Variants in LNX2 observed in about 807,000 individuals in gnomAD.
The protein encoded by LNX2 is ligand of numb-protein X 2, also known as ligand of Numb protein X 2.
LNX2 carries 35 observed loss-of-function variants against 66.2 expected under a neutral mutation model. The ratio of observed to expected loss-of-function variants is 0.53; its 90% CI spans 0.40 to 0.70. The LOEUF is 0.70. LNX2 is among the 30% of genes least tolerant of loss of function. The pLI is 0.00. For missense variants in LNX2, 791 were observed against 850.8 expected, an observed-to-expected ratio of 0.93 and a Z score of 0.87; for synonymous variants, 337 against 315.6, an observed-to-expected ratio of 1.07 and a Z score of -0.72.
intron 5 of LNX2, among the ~76,000 whole-genome samples, chr13:27,561,813 A>C (rs1359661809): frequency 6.6e-6 from 1 of 152,208 alleles, no homozygotes; most frequent in African/African-American, 2.4e-5. Flanking sequence ...GAATGTATAG[A>C]TCTCCTCTGG....
intron 4 of LNX2, among the ~76,000 whole-genome samples, chr13:27,565,514 A>G (rs2138350809): frequency 6.6e-6 from 1 of 152,274 alleles, no homozygotes; most frequent in Non-Finnish European, 1.5e-5. Context: ...CTGCAAAATC[A>G]AGTCAGGAGC....
In LNX2 at chr13:27,567,660, C is replaced by A. The variant is rs747783901; in HGVS notation, c.835G>T (p.Ala279Ser). Residue 279 changes from alanine (A) to serine (S), a missense_variant, in exon 4 of 10, where the codon GCT becomes TCT. Transcript: ENST00000316334. ...GATACCTGAAGAATCTGGTCTCCAG[C>A]AAGAAGTCTCCCGTCTCTGGCAATG... Reference protein sequence around the residue: ...GVIARDGRLLAGDQILQVNNY... With the variant: ...GVIARDGRLLSGDQILQVNNY... 1 of 1,613,980 alleles carries A rather than the reference C, an allele frequency of 6.2e-7. No individual in the cohort carries two copies. The highest frequency in any genetic ancestry group is 1.3e-5 in the African/African-American group (1 of 75,034).
intron 1 of LNX2, among the ~76,000 whole-genome samples, chr13:27,616,130 T>C (rs1955822689): frequency 8.2e-6 from 1 of 121,556 alleles, no homozygotes; most frequent in Non-Finnish European, 1.6e-5. Context: ...AAGAAATACA[T>C]TGGTTTGGTC....
chr13:27,558,480 A>G (rs1374958453), intron 6 of LNX2, among the ~76,000 whole-genome samples: 2 of 152,056 alleles, frequency 1.3e-5, no homozygotes, highest in Non-Finnish European at 2.9e-5. Context: ...GGAATTATTA[A>G]TTACAGTTTT....
intron 1 of LNX2, among the ~76,000 whole-genome samples, chr13:27,583,845 T>C (rs998219734): frequency 6.6e-6 from 1 of 151,894 alleles, no homozygotes; most frequent in African/African-American, 2.4e-5. Context: ...ATGCACAGGG[T>C]GTTACGTGAC....
intron 4 of LNX2, 62 bp from the exon 5 acceptor site, chr13:27,562,843 G>GT: frequency 6.5e-7 from 1 of 1,527,296 alleles, no homozygotes; most frequent in Non-Finnish European, 8.8e-7. Context: ...TTGTAGGAAT[G>GT]TTTATGTGAC....
At position 27,560,565 on chromosome 13, in the gene LNX2, G is replaced by GTGTGTATGTGTATATATATATATATA. The variant is rs35007288; in HGVS notation, c.1225-581_1225-580insTATATATATATATATACACATACACA. Among the ~76,000 whole-genome samples, 1,020 of 119,954 alleles carry GTGTGTATGTGTATATATATATATATA rather than the reference G, an allele frequency of 8.5e-3. 8 individuals carry two copies. The highest frequency in any genetic ancestry group is 0.011 in the Non-Finnish European group (653 of 57,390). 78.7% of individuals were successfully genotyped at this position (119,954 alleles called of 152,430 possible). A position where few individuals can be genotyped will look rare whatever the true frequency, so the allele number is the denominator to read the frequency against. On this transcript the variant is annotated intron_variant, in intron 5 of 9. Coordinates refer to ENST00000316334, the MANE Select transcript of LNX2 (RefSeq NM_153371.4). The stretch of plus-strand genomic sequence containing the variant: ...ATAACAAGACTTTATATGTATGTGT[G>GTGTGTATGTGTATATATATATATATA]TATATATATATATATATATAGCATA...
chr13:27,588,195 A>G (rs1174854502), intron 1 of LNX2, among the ~76,000 whole-genome samples: 2 of 152,222 alleles, frequency 1.3e-5, no homozygotes, highest in African/African-American at 4.8e-5. Context: ...GAAAACTTAC[A>G]TTCACACAAA....
rs1593234441 is a variant in LNX2, at chr13:27,547,015, G to C, written c.*1320C>G. ...AACAGAACTTTTCTGTCTCCTACTT[G>C]AAACAACTAATCTCATAAGAAATAA... On this transcript the variant is annotated 3_prime_UTR_variant, in exon 10 of 10. Transcript: ENST00000316334. 6.6e-6 allele frequency: 1 copy of C among 151,928 alleles called. No homozygotes were observed. The highest frequency in any genetic ancestry group is 1.9e-4 in the East Asian group (1 of 5,198). The allele number at this position is 151,928 out of a possible 1,614,324, so 9.4% of individuals were successfully genotyped here.
chr13:27,616,448 C>G (rs368066907), intron 1 of LNX2, among the ~76,000 whole-genome samples: 13 of 152,242 alleles, frequency 8.5e-5, no homozygotes, highest in African/African-American at 2.2e-4. Flanking sequence ...CAAGTCATGT[C>G]CGACCTCCAC....
intron 1 of LNX2, among the ~76,000 whole-genome samples, chr13:27,594,989 T>C (rs534774215): frequency 3.3e-5 from 5 of 152,236 alleles, no homozygotes; most frequent in Non-Finnish European, 5.9e-5. Context: ...CTGAATACTC[T>C]TCTGTGGTCC....
At chr13:27,616,004 A>G (rs957637088) in intron 1 of LNX2, among the ~76,000 whole-genome samples, 3 of 152,148 alleles carry the variant, frequency 2.0e-5, no homozygotes, top group Admixed American at 2.0e-4. Flanking sequence ...AATCTGAGTG[A>G]CCATGGCCCA....
intron 3 of LNX2, among the ~76,000 whole-genome samples, chr13:27,568,151 A>G (rs561030405): frequency 4.1e-4 from 62 of 152,338 alleles, no homozygotes; most frequent in African/African-American, 1.4e-3. Flanking sequence ...GAAAATTTGG[A>G]CCACGAAACA....
At chr13:27,602,970 A>C (rs1407017807) in intron 1 of LNX2, among the ~76,000 whole-genome samples, 1 of 152,178 alleles carries the variant, frequency 6.6e-6, no homozygotes, top group Non-Finnish European at 1.5e-5. Flanking sequence ...ACATTAAGAG[A>C]AATTACAATA....
At chr13:27,601,200 G>A (rs1348068058) in intron 1 of LNX2, among the ~76,000 whole-genome samples, 1 of 152,128 alleles carries the variant, frequency 6.6e-6, no homozygotes, top group Admixed American at 6.6e-5. Flanking sequence ...GGAAAACGGG[G>A]ATCCAAGGGA....
At chr13:27,549,051 T>G (rs1052367823) in intron 9 of LNX2, among the ~76,000 whole-genome samples, 10 of 152,218 alleles carry the variant, frequency 6.6e-5, no homozygotes, top group African/African-American at 2.4e-4. Context: ...CCTCAATTTC[T>G]TTTTGGAAGT....
intron 7 of LNX2, among the ~76,000 whole-genome samples, chr13:27,553,699 G>A (rs1955029866): frequency 1.3e-5 from 2 of 152,116 alleles, no homozygotes; most frequent in Non-Finnish European, 2.9e-5. Flanking sequence ...TGACATGATT[G>A]GAAGTTCGAA....
intron 7 of LNX2, 76 bp from the exon 8 acceptor site, chr13:27,553,515 A>T: frequency 9.2e-7 from 1 of 1,090,370 alleles, no homozygotes; most frequent in Non-Finnish European, 1.4e-6. Flanking sequence ...TTTATAAACT[A>T]AGCAACAAAA....
chr13:27,548,474 G>C lies in LNX2; in HGVS notation c.1938-4C>G. The C allele has an allele frequency of 6.2e-7, 1 of 1,607,452 alleles. No individual in the cohort carries two copies. The highest frequency in any genetic ancestry group is 8.5e-7 in the Non-Finnish European group (1 of 1,177,922). On this transcript the variant is annotated splice_region_variant and splice_polypyrimidine_tract_variant and intron_variant, in intron 9 of 9. Coordinates refer to ENST00000316334, the MANE Select transcript of LNX2 (RefSeq NM_153371.4). ...GGCCACAATCATGTCACCACACCTG[G>C]ACAAAGAGAGACAGATACAGAATGT...
Sources: gnomAD v4.1 joint callset for allele counts (sites outside exome capture counted in the v4.1 genomes callset) on GRCh38, gnomAD v4.1.1 for gene constraint, MANE v1.5 for transcripts, NCBI Gene and HGNC (gene_info 2026-07-23, HGNC 2026-07-21) for gene names.